Variants in PCDH9 observed in about 807,000 individuals in gnomAD.
The protein encoded by PCDH9 is protocadherin-9.
Under a neutral mutation model 70.6 loss-of-function variants are expected in PCDH9, and 24 were observed. That is an observed-to-expected ratio of 0.34 (90% CI 0.25 to 0.48). The LOEUF (loss-of-function observed/expected upper bound fraction) is 0.48, where lower values mean the gene tolerates loss of function less well. PCDH9 is among the 20% of genes least tolerant of loss of function. The pLI, the probability that PCDH9 is intolerant of heterozygous loss-of-function variation, is 0.99. For synonymous variants in PCDH9, 562 were observed against 558.5 expected (o/e 1.01, Z -0.09); for missense variants, 1,281 against 1,503.6 (o/e 0.85, Z 2.45).
rs1048913089 is a variant in PCDH9, at chr13:66,342,211, T to A, written c.3341-37183A>T. ...GCCACAAAAAAGTTGAGTCATCACT[T>A]AAGAACATGTTTCAATGTTAAAAGA... is the stretch of plus-strand genomic sequence containing the variant. On this transcript the variant is annotated intron_variant, in intron 4 of 4. Coordinates refer to ENST00000377865, the MANE Select transcript of PCDH9 (RefSeq NM_203487.3). Among the ~76,000 whole-genome samples, 3 of 152,204 alleles carry A rather than the reference T, an allele frequency of 2.0e-5. No homozygotes were observed. The South Asian group carries it at 6.2e-4, about 31-fold the overall frequency.
At chr13:67,139,693 A>G (rs1194678302) in intron 2 of PCDH9, among the ~76,000 whole-genome samples, 1 of 152,148 alleles carries the variant, frequency 6.6e-6, no homozygotes. Context: ...TGGTTACCCA[A>G]TCCAGTTGAG....
At chr13:66,531,075 T>C (rs988162338) in intron 4 of PCDH9, among the ~76,000 whole-genome samples, 2 of 151,148 alleles carry the variant, frequency 1.3e-5, no homozygotes, top group African/African-American at 4.8e-5. Flanking sequence ...TAACTTGAAA[T>C]GATTAAACAG....
chr13:66,586,983 G>GA (rs2076971094), intron 4 of PCDH9, among the ~76,000 whole-genome samples: 5 of 151,988 alleles, frequency 3.3e-5, no homozygotes, highest in Admixed American at 3.3e-4. Flanking sequence ...CAGGAAAAAT[G>GA]AAAATAAAAT....
chr13:66,479,693 T>C (rs1958802524), intron 4 of PCDH9, among the ~76,000 whole-genome samples: 1 of 152,204 alleles, frequency 6.6e-6, no homozygotes, highest in South Asian at 2.1e-4. Context: ...GCTCCCTGTG[T>C]CTAGCTAAAG....
intron 3 of PCDH9, among the ~76,000 whole-genome samples, chr13:66,902,051 T>C (rs2082284330): frequency 6.6e-6 from 1 of 151,668 alleles, no homozygotes; most frequent in South Asian, 2.1e-4. Flanking sequence ...ATTAGAACTA[T>C]TGTGTTATTG....
intron 3 of PCDH9, among the ~76,000 whole-genome samples, chr13:66,750,134 CTTAT>C (rs2079434841): frequency 6.6e-6 from 1 of 151,940 alleles, no homozygotes; most frequent in Non-Finnish European, 1.5e-5. Context: ...AGTAAGATAT[CTTAT>C]TTCTCTTTTA....
chr13:67,172,306 A>T (rs2088310281), intron 2 of PCDH9, among the ~76,000 whole-genome samples: 2 of 152,094 alleles, frequency 1.3e-5, no homozygotes, highest in African/African-American at 4.8e-5. Flanking sequence ...TTCTAAACAT[A>T]CCTCTCCAGG....
intron 2 of PCDH9, among the ~76,000 whole-genome samples, chr13:67,056,367 C>G (rs200426913): frequency 6.1e-5 from 1 of 16,454 alleles, no homozygotes; most frequent in Non-Finnish European, 1.2e-4. Flanking sequence ...CTTTTTGTAT[C>G]TCTGTGTTTA....
At chr13:66,571,632 A>C (rs555757822) in intron 4 of PCDH9, among the ~76,000 whole-genome samples, 7 of 152,160 alleles carry the variant, frequency 4.6e-5, no homozygotes, top group African/African-American at 1.7e-4. Flanking sequence ...AACGGCTAAA[A>C]GACTGTTGTT....
chr13:66,502,829 T>C (rs1267568736), intron 4 of PCDH9, among the ~76,000 whole-genome samples: 1 of 152,176 alleles, frequency 6.6e-6, no homozygotes, highest in East Asian at 1.9e-4. Context: ...AATATCTCAT[T>C]TTAATTTTGT....
chr13:66,702,586 C>A (rs1030352360), intron 3 of PCDH9, among the ~76,000 whole-genome samples: 1 of 152,148 alleles, frequency 6.6e-6, no homozygotes, highest in African/African-American at 2.4e-5. Context: ...ACACCAAACC[C>A]ATGCCCCCCA....
intron 2 of PCDH9, among the ~76,000 whole-genome samples, chr13:67,166,166 C>T (rs987915323): frequency 2.6e-5 from 4 of 152,170 alleles, no homozygotes; most frequent in Non-Finnish European, 5.9e-5. Context: ...TTCAGATCCA[C>T]TATAACTCCC....
intron 3 of PCDH9, among the ~76,000 whole-genome samples, chr13:66,801,424 T>G (rs1381853877): frequency 6.6e-6 from 1 of 152,144 alleles, no homozygotes; most frequent in African/African-American, 2.4e-5. Context: ...AAAATTACAC[T>G]TACTGATATT....
At chr13:66,620,860 AACTGGAAGTTGTTTAAGCTT>A (rs1449171003) in intron 4 of PCDH9, among the ~76,000 whole-genome samples, 1 of 152,128 alleles carries the variant, frequency 6.6e-6, no homozygotes, top group Non-Finnish European at 1.5e-5. Context: ...TCTTGCACTA[AACTGGAAGTTGTTTAAGCTT>A]ACTGAGTCTT....
intron 2 of PCDH9, among the ~76,000 whole-genome samples, chr13:66,923,705 T>C (rs183133335): frequency 3.9e-4 from 59 of 151,772 alleles, no homozygotes; most frequent in Non-Finnish European, 7.2e-4. Context: ...CAAAGCCAAT[T>C]GGTTAAAAAG....
intron 3 of PCDH9, among the ~76,000 whole-genome samples, chr13:66,699,961 A>G (rs992658304): frequency 1.3e-5 from 2 of 151,920 alleles, no homozygotes; most frequent in Admixed American, 1.3e-4. Context: ...TAGTGTTTCT[A>G]TTATTACCTT....
chr13:66,898,843 G>C (rs1353251826), intron 3 of PCDH9, among the ~76,000 whole-genome samples: 1 of 151,948 alleles, frequency 6.6e-6, no homozygotes, highest in Non-Finnish European at 1.5e-5. Context: ...GTTCTAGGCT[G>C]TGTAACAAAC....
At chr13:66,396,707 A>T (rs1957107855) in intron 4 of PCDH9, among the ~76,000 whole-genome samples, 2 of 152,232 alleles carry the variant, frequency 1.3e-5, no homozygotes, top group Non-Finnish European at 2.9e-5. Context: ...TACCAAGTTT[A>T]CAGATGGGAT....
chr13:66,681,364 T>C (rs776489091), intron 3 of PCDH9, among the ~76,000 whole-genome samples: 13 of 152,108 alleles, frequency 8.5e-5, no homozygotes, highest in Non-Finnish European at 1.9e-4. Flanking sequence ...TCCATTACAT[T>C]GAAAAACTAA....
Sources: allele counts gnomAD v4.1 joint callset (sites outside exome capture counted in the v4.1 genomes callset), GRCh38; gene constraint gnomAD v4.1.1; transcripts MANE v1.5; gene names NCBI Gene and HGNC (gene_info 2026-07-23, HGNC 2026-07-21).